Variants in XRN1 observed in about 807,000 individuals in gnomAD.
XRN1 encodes the protein 5'-3' exoribonuclease 1.
Under a neutral mutation model 222.3 loss-of-function variants are expected in XRN1, and 67 were observed. The observed-to-expected ratio is 0.30, with a 90% CI of 0.25 to 0.37. XRN1 has a LOEUF of 0.37. Among genes scored for constraint, XRN1 ranks in the 10% least tolerant of loss-of-function variants. XRN1 has a pLI of 1.00. For missense variants in XRN1, 1,707 were observed against 2,000.2 expected (o/e 0.85, Z 2.80); for synonymous variants, 643 against 652.4 (o/e 0.99, Z 0.22).
At chr3:142,319,814 T>A (rs1304755528) in intron 37 of XRN1, among the ~76,000 whole-genome samples, 2 of 152,190 alleles carry the variant, frequency 1.3e-5, no homozygotes, top group East Asian at 1.9e-4. Context: ...CCCAGTTCCA[T>A]TAATGTTGCT....
At chr3:142,335,563 A>T in intron 33 of XRN1, 54 bp from the exon 34 acceptor site, 1 of 1,434,442 alleles carries the variant, frequency 7.0e-7, no homozygotes, top group Non-Finnish European at 9.7e-7. Context: ...CTGCACAATT[A>T]AAACTACCAA....
chr3:142,410,061 CAT>C (rs1385853793), intron 15 of XRN1, among the ~76,000 whole-genome samples: 2 of 152,154 alleles, frequency 1.3e-5, no homozygotes, highest in African/African-American at 2.4e-5. Context: ...AGAATTTTTA[CAT>C]AGATAATAAT....
intron 18 of XRN1, among the ~76,000 whole-genome samples, chr3:142,401,395 A>G (rs1343770973): frequency 6.6e-6 from 1 of 152,174 alleles, no homozygotes; most frequent in Non-Finnish European, 1.5e-5. Flanking sequence ...GTAGGAAATA[A>G]TATCTTAAGT....
rs549584566 is a variant in XRN1 at position 142,447,568 on chromosome 3, G to A, written c.75+302C>T. Among the ~76,000 whole-genome samples, 2 of 152,328 alleles carry A rather than the reference G, an allele frequency of 1.3e-5. No individual in the cohort carries two copies. Among genetic ancestry groups the A allele is most frequent in the Admixed American group, 6.5e-5 (1 of 15,304 alleles). On this transcript the variant is annotated intron_variant, in intron 1 of 40. Transcript: ENST00000392981. The surrounding 1 kb of genome is among the most constrained non-coding windows in gnomAD (Gnocchi z 4.2). Reference sequence around the variant, plus strand: ...ACTTGCAGCTCCCCGGGAGGAAACCGGAGAACAGTAAAAGCGTTCTTTCCC... The same window carrying A: ...ACTTGCAGCTCCCCGGGAGGAAACCAGAGAACAGTAAAAGCGTTCTTTCCC...
intron 19 of XRN1, among the ~76,000 whole-genome samples, chr3:142,397,971 G>C (rs954765614): frequency 1.3e-5 from 2 of 152,180 alleles, no homozygotes; most frequent in Non-Finnish European, 2.9e-5. Flanking sequence ...GTTGGGTGCA[G>C]TGGCTCATGC....
chr3:142,393,121 T>C (rs1319728075), intron 20 of XRN1, among the ~76,000 whole-genome samples: 4 of 149,668 alleles, frequency 2.7e-5, no homozygotes, highest in African/African-American at 9.9e-5. Flanking sequence ...CATAAATGTC[T>C]TCTTTTGAGA....
intron 2 of XRN1, among the ~76,000 whole-genome samples, chr3:142,431,880 T>C (rs2069566549): frequency 3.6e-5 from 2 of 56,254 alleles, no homozygotes; most frequent in Non-Finnish European, 5.6e-5. Flanking sequence ...TTATATTATA[T>C]ATATTATATA....
chr3:142,328,712 T>C (rs1273683879), intron 37 of XRN1, among the ~76,000 whole-genome samples: 7 of 970 alleles, frequency 7.2e-3, no homozygotes, highest in Non-Finnish European at 0.015. Flanking sequence ...ATTATATATA[T>C]ATATATATAT....
At chr3:142,420,939 A>G in intron 10 of XRN1, 77 bp downstream of exon 10, 1 of 1,579,574 alleles carries the variant, frequency 6.3e-7, no homozygotes, top group African/African-American at 1.4e-5. Context: ...AATCATAAGA[A>G]GGAAAATGAG....
At chr3:142,441,262 A>G (rs2070198084) in intron 1 of XRN1, among the ~76,000 whole-genome samples, 1 of 152,220 alleles carries the variant, frequency 6.6e-6, no homozygotes, top group African/African-American at 2.4e-5. Flanking sequence ...ATGGATTCCC[A>G]GGTACGGCAA....
chr3:142,438,144 C>G (rs2070006272), intron 1 of XRN1, among the ~76,000 whole-genome samples: 1 of 152,114 alleles, frequency 6.6e-6, no homozygotes, highest in Non-Finnish European at 1.5e-5. Context: ...GAAGGTTCTT[C>G]AAAAAACTAA....
At position 142,308,215 on chromosome 3, in the gene XRN1, A is replaced by G. The variant is rs1212364329; in HGVS notation, c.*3296T>C. On this transcript the variant is annotated 3_prime_UTR_variant, in exon 41 of 41. Coordinates refer to ENST00000392981, the MANE Select transcript of XRN1 (RefSeq NM_001282857.2). ...TACAGTTTATCTATTTCCTTGTGCTAGAAAGATACGGTATAGTCCAAAAAT... is the reference window on the plus strand; with the variant it reads ...TACAGTTTATCTATTTCCTTGTGCTGGAAAGATACGGTATAGTCCAAAAAT... 1 of 152,234 alleles carries G rather than the reference A, an allele frequency of 6.6e-6. No homozygotes were observed. Among genetic ancestry groups the G allele is most frequent in the Admixed American group, 6.5e-5 (1 of 15,276 alleles). The allele number at this position is 152,234 out of a possible 1,614,324, so 9.4% of individuals were successfully genotyped here. A position where few individuals can be genotyped will look rare whatever the true frequency, so the allele number is the denominator to read the frequency against.
At chr3:142,317,684 T>C (rs928874453) in intron 39 of XRN1, among the ~76,000 whole-genome samples, 8 of 152,134 alleles carry the variant, frequency 5.3e-5, no homozygotes, top group African/African-American at 9.7e-5. Flanking sequence ...ACTTTGCACA[T>C]AGACTTTCAA....
In XRN1 at chr3:142,391,426, T is replaced by C. The variant is rs2067706955; in HGVS notation, c.2339+5903A>G. Among the ~76,000 whole-genome samples the C allele has an allele frequency of 4.6e-5, 7 of 152,310 alleles. No homozygotes were observed. The South Asian group carries it at 1.4e-3, about 32-fold the overall frequency. On this transcript the variant is annotated intron_variant, in intron 20 of 40. Transcript: ENST00000392981. ...TTTTACTGCTTTGGGGTCAGTGTTG[T>C]TGTCTGTTTTAAAATTTCTTAGCCA...
Position 142,359,911 on chromosome 3 carries a change from G to C in XRN1, c.3415C>G (p.Leu1139Val). The change falls in exon 30 of 41, where the codon CTA (leucine) becomes GTA (valine). Residue 1139 changes from leucine to valine, a missense_variant. Coordinates refer to ENST00000392981, the MANE Select transcript of XRN1 (RefSeq NM_001282857.2). ...IKGANREADV[L>V]FEVLFDEEFP... ...TCTTCATCAAATAATACTTCAAATA[G>C]TACATCGGCTTCTCTATTAGCTGTT... 6.2e-7 allele frequency: 1 copy of C among 1,603,210 alleles called. No homozygotes were observed. Among genetic ancestry groups the C allele is most frequent in the Non-Finnish European group, 8.5e-7 (1 of 1,174,302 alleles).
At chr3:142,340,979 A>G (rs2065975897) in intron 33 of XRN1, among the ~76,000 whole-genome samples, 1 of 152,214 alleles carries the variant, frequency 6.6e-6, no homozygotes, top group African/African-American at 2.4e-5. Context: ...CATTATTTGA[A>G]GGCACAAAAC....
chr3:142,321,141 C>A (rs565059045), intron 37 of XRN1, among the ~76,000 whole-genome samples: 1 of 108,758 alleles, frequency 9.2e-6, no homozygotes, highest in South Asian at 3.3e-4. Flanking sequence ...GAGATGGAGT[C>A]TCACTCTGTT....
rs2068290226 is a variant in XRN1, at chr3:142,404,976, C to G, written c.1814G>C (p.Arg605Thr). ...HSECLMCWYD[R>T]DTEFIYPSPW... The stretch of plus-strand genomic sequence containing the variant: ...AGAAGGATAGATAAACTCTGTGTCT[C>G]TATCATACCAGCACATTAGGCACTC... The change falls in exon 16 of 41, where the codon AGA becomes ACA. Residue 605 changes from arginine to threonine, a missense_variant. This residue lies in a region of XRN1 where 1,234 missense variants were observed against 1,518.2 expected (regional missense o/e 0.81). Transcript: ENST00000392981. 6.2e-7 allele frequency: 1 copy of G among 1,614,032 alleles called. No homozygotes were observed. Among genetic ancestry groups the G allele is most frequent in the African/African-American group, 1.3e-5 (1 of 75,050 alleles).
chr3:142,357,280 TAAG>T (rs1263454148), intron 30 of XRN1, among the ~76,000 whole-genome samples, 161 bp from the exon 31 acceptor site: 1 of 152,174 alleles, frequency 6.6e-6, no homozygotes, highest in African/African-American at 2.4e-5. Context: ...GCTCAATTTA[TAAG>T]ATGATGTATT....
Sources: allele counts gnomAD v4.1 joint callset (sites outside exome capture counted in the v4.1 genomes callset), GRCh38; gene constraint gnomAD v4.1.1; regional missense constraint gnomAD v4.1.1; non-coding constraint Gnocchi (gnomAD v3.1); transcripts MANE v1.5; gene names NCBI Gene and HGNC (gene_info 2026-07-23, HGNC 2026-07-21).